Variants in PHYHIPL observed in about 807,000 individuals in gnomAD.
The protein encoded by PHYHIPL is phytanoyl-CoA hydroxylase-interacting protein-like.
Under a neutral mutation model 33.4 loss-of-function variants are expected in PHYHIPL, and 9 were observed. The observed-to-expected ratio is 0.27, with a 90% CI of 0.16 to 0.47. PHYHIPL has a LOEUF of 0.47. PHYHIPL is among the 20% of genes least tolerant of loss of function. The pLI, the probability that PHYHIPL is intolerant of heterozygous loss-of-function variation, is 0.99. For synonymous variants in PHYHIPL, 153 were observed against 154.1 expected, an observed-to-expected ratio of 0.99 and a Z score of 0.05; for missense variants, 365 against 460.7, an observed-to-expected ratio of 0.79 and a Z score of 1.90.
chr10:59,185,138 C>T (rs1462390974), intron 1 of PHYHIPL, among the ~76,000 whole-genome samples: 1 of 151,238 alleles, frequency 6.6e-6, no homozygotes, highest in Non-Finnish European at 1.5e-5. Flanking sequence ...CTACAGGCGC[C>T]CGCCACTACG....
At chr10:59,234,957 AATTG>A (rs959085071) in intron 2 of PHYHIPL, among the ~76,000 whole-genome samples, 7 of 151,874 alleles carry the variant, frequency 4.6e-5, no homozygotes, top group Non-Finnish European at 7.4e-5. Context: ...AGAAGAACTG[AATTG>A]TTACTAGTTT....
intron 3 of PHYHIPL, among the ~76,000 whole-genome samples, chr10:59,236,981 G>A (rs1219299142): frequency 6.7e-6 from 1 of 149,542 alleles, no homozygotes; most frequent in African/African-American, 2.5e-5. Flanking sequence ...CATTTTGAGA[G>A]ACAGAGCTTT....
chr10:59,207,316 G>T (rs1248950842), intron 1 of PHYHIPL, among the ~76,000 whole-genome samples: 1 of 152,156 alleles, frequency 6.6e-6, no homozygotes, highest in Non-Finnish European at 1.5e-5. Context: ...CACCTGGGAA[G>T]CGCAAGGGGT....
At chr10:59,206,609 A>T in intron 1 of PHYHIPL, 2 of 199,028 alleles carry the variant, frequency 1.0e-5, no homozygotes, top group Non-Finnish European at 2.0e-5. Flanking sequence ...AAACTCAGTG[A>T]ATACAACTCA....
chr10:59,237,501 T>C (rs1840260967), intron 3 of PHYHIPL, among the ~76,000 whole-genome samples: 1 of 151,958 alleles, frequency 6.6e-6, no homozygotes, highest in Admixed American at 6.6e-5. Context: ...TACAAGAAAC[T>C]TAAGCTGTTC....
At chr10:59,229,979 A>T (rs918975386) in intron 1 of PHYHIPL, among the ~76,000 whole-genome samples, 1 of 152,200 alleles carries the variant, frequency 6.6e-6, no homozygotes, top group Non-Finnish European at 1.5e-5. Flanking sequence ...AACAATATTG[A>T]CAATAATTTA....
At chr10:59,177,644 A>G in intron 1 of PHYHIPL, 1 of 1,551,054 alleles carries the variant, frequency 6.4e-7, no homozygotes, top group Non-Finnish European at 8.7e-7. Flanking sequence ...TGTTGATATT[A>G]TATCGTTTAT....
intron 1 of PHYHIPL, among the ~76,000 whole-genome samples, chr10:59,208,047 C>T (rs1042458222): frequency 6.6e-6 from 1 of 152,158 alleles, no homozygotes; most frequent in Non-Finnish European, 1.5e-5. Context: ...AGAAGTGGAT[C>T]TCCCAGCACA....
intron 1 of PHYHIPL, among the ~76,000 whole-genome samples, chr10:59,187,265 T>G (rs563583529): frequency 1.3e-3 from 198 of 152,308 alleles, no homozygotes; most frequent in African/African-American, 4.5e-3. Context: ...CTGGATTACG[T>G]TTATTGATTT....
At chr10:59,189,601 A>G (rs1161438021) in intron 1 of PHYHIPL, among the ~76,000 whole-genome samples, 1 of 151,986 alleles carries the variant, frequency 6.6e-6, no homozygotes, top group Non-Finnish European at 1.5e-5. Context: ...AAGAACAGGA[A>G]AAAAGGACAC....
Position 59,176,720 on chromosome 10 carries a change from GC to G in PHYHIPL, c.-133del, listed in dbSNP as rs2133167984. 2.6e-6 allele frequency: 2 copies of G among 780,914 alleles called. No homozygotes were observed. The highest frequency in any genetic ancestry group is 1.8e-5 in the African/African-American group (1 of 56,272). 48.4% of individuals were successfully genotyped at this position (780,914 alleles called of 1,614,324 possible). On this transcript the variant is annotated 5_prime_UTR_variant, in exon 1 of 5. Transcript: ENST00000373880. ...TCTCCAGCCCCGCGCCTCAGCCTCGGCGCCGCATCACCGCGTCCCAGGCCTC... is the reference window on the plus strand; with the variant it reads ...TCTCCAGCCCCGCGCCTCAGCCTCGGGCCGCATCACCGCGTCCCAGGCCTC...
intron 1 of PHYHIPL, among the ~76,000 whole-genome samples, chr10:59,187,107 A>G (rs1407685325): frequency 6.6e-6 from 1 of 152,184 alleles, no homozygotes; most frequent in Non-Finnish European, 1.5e-5. Flanking sequence ...GGTTTGTCAT[A>G]GATAGCTCTT....
At chr10:59,191,446 T>C (rs979186962) in intron 1 of PHYHIPL, among the ~76,000 whole-genome samples, 9 of 152,002 alleles carry the variant, frequency 5.9e-5, no homozygotes, top group African/African-American at 2.2e-4. Flanking sequence ...TTTATTCTGA[T>C]TACATTTTAG....
chr10:59,244,586 A>AAAG (rs1554801182), intron 4 of PHYHIPL, among the ~76,000 whole-genome samples: 142 of 136,618 alleles, frequency 1.0e-3, no homozygotes, highest in African/African-American at 3.4e-3. Flanking sequence ...AAAAAAAAAA[A>AAAG]GCCAAAACAA....
rs1840237110 is a variant in PHYHIPL at position 59,236,664 on chromosome 10, G to A, written c.478+7G>A. On this transcript the variant is annotated splice_region_variant and intron_variant, in intron 3 of 4. Coordinates refer to ENST00000373880, the MANE Select transcript of PHYHIPL (RefSeq NM_032439.4). ...ATAGAATTCTGCACCGCAGGTAAGA[G>A]AACTAGGTACAAATATAGAAAAGCT... 5 of 1,580,342 alleles carry A rather than the reference G, an allele frequency of 3.2e-6. No homozygotes were observed. The South Asian group carries it at 5.9e-5, about 19-fold the overall frequency.
At chr10:59,206,689 G>C in intron 1 of PHYHIPL, 3 of 668,034 alleles carry the variant, frequency 4.5e-6, no homozygotes, top group Non-Finnish European at 6.2e-6. Context: ...TGGTACATAA[G>C]GGAGACAGAA....
chr10:59,193,671 C>T (rs1455234527), intron 1 of PHYHIPL, among the ~76,000 whole-genome samples: 1 of 151,972 alleles, frequency 6.6e-6, no homozygotes, highest in African/African-American at 2.4e-5. Flanking sequence ...CTTAGATAAA[C>T]CTTCCATTTT....
intron 1 of PHYHIPL, among the ~76,000 whole-genome samples, chr10:59,224,475 C>CAAAACAAAACAAAACAAAACAAAACAA (rs1564454969): frequency 6.0e-5 from 9 of 149,464 alleles, no homozygotes; most frequent in African/African-American, 2.0e-4. Context: ...CAAAACAAAA[C>CAAAACAAAACAAAACAAAACAAAACAA]AAAACAAAAC....
intron 4 of PHYHIPL, among the ~76,000 whole-genome samples, chr10:59,240,009 GAGA>G (rs1200627102): frequency 1.3e-5 from 2 of 152,028 alleles, no homozygotes; most frequent in African/African-American, 2.4e-5. Context: ...GAATCAGAGA[GAGA>G]AGAACACACG....
Sources: gnomAD v4.1 joint callset for allele counts (sites outside exome capture counted in the v4.1 genomes callset) on GRCh38, gnomAD v4.1.1 for gene constraint, MANE v1.5 for transcripts, NCBI Gene and HGNC (gene_info 2026-07-23, HGNC 2026-07-21) for gene names.